The following MYO9A variants were observed in gnomAD, a reference collection of about 807,000 sequenced individuals.
MYO9A encodes the protein myosin IXA, also known as unconventional myosin-IXa.
In MYO9A, 103 loss-of-function variants were observed where a neutral mutation model predicts 293.3. The ratio of observed to expected loss-of-function variants is 0.35; its 90% CI spans 0.30 to 0.41. MYO9A has a LOEUF of 0.41. Ranked by LOEUF, MYO9A falls within the 10% of genes least tolerant of loss-of-function variation. The probability of loss-of-function intolerance (pLI) is 1.00; values close to 1 mark genes in which losing one functional copy is unlikely to be tolerated. For synonymous variants in MYO9A, 1,001 were observed against 1,035.7 expected (o/e 0.97, Z 0.64); for missense variants, 2,685 against 3,033.0 (o/e 0.89, Z 2.69).
intron 8 of MYO9A, among the ~76,000 whole-genome samples, chr15:72,003,291 A>T (rs1372530340): frequency 6.6e-6 from 1 of 151,756 alleles, no homozygotes; most frequent in Non-Finnish European, 1.5e-5. Context: ...AAAGTAAAAA[A>T]AAAATAAAAG....
intron 1 of MYO9A, among the ~76,000 whole-genome samples, chr15:72,114,856 A>C (rs956328703): frequency 2.6e-5 from 4 of 152,222 alleles, no homozygotes; most frequent in Admixed American, 2.6e-4. Context: ...ACATAACCAA[A>C]AATCACTCCA....
chr15:71,967,924 T>C, intron 13 of MYO9A, 60 bp downstream of exon 13: 2 of 1,483,500 alleles, frequency 1.3e-6, no homozygotes, highest in Non-Finnish European at 1.8e-6. Context: ...GGCAGTGTGC[T>C]GGGGACAGTT....
chr15:71,977,423 G>C (rs1480089741), intron 12 of MYO9A, among the ~76,000 whole-genome samples: 1 of 152,028 alleles, frequency 6.6e-6, no homozygotes, highest in Non-Finnish European at 1.5e-5. Flanking sequence ...TTTCAGCACA[G>C]ACAAGATTTC....
intron 12 of MYO9A, among the ~76,000 whole-genome samples, chr15:71,968,432 C>T (rs1286218575): frequency 1.3e-5 from 2 of 152,144 alleles, no homozygotes; most frequent in African/African-American, 4.8e-5. Context: ...TTCTGAACTA[C>T]TATAAAACCC....
intron 1 of MYO9A, among the ~76,000 whole-genome samples, chr15:72,082,668 C>CTGTCTTATTATTT (rs1016538879): frequency 6.6e-6 from 1 of 151,804 alleles, no homozygotes; most frequent in African/African-American, 2.4e-5. Flanking sequence ...ATGATGTTGG[C>CTGTCTTATTATTT]TGTGGGTCTG....
chr15:71,958,942 A>G (rs999735409), intron 14 of MYO9A: 1 of 152,256 alleles, frequency 6.6e-6, no homozygotes, highest in Admixed American at 6.5e-5. Flanking sequence ...TAAATACAAG[A>G]AAAGTTTCTT....
At chr15:71,992,785 G>C (rs901470010) in intron 10 of MYO9A, among the ~76,000 whole-genome samples, 1 of 151,232 alleles carries the variant, frequency 6.6e-6, no homozygotes, top group African/African-American at 2.4e-5. Context: ...GTTAGAAAAA[G>C]TCTAAACATA....
intron 39 of MYO9A, among the ~76,000 whole-genome samples, chr15:71,841,747 C>T (rs1054042893): frequency 6.6e-6 from 1 of 151,528 alleles, no homozygotes; most frequent in Admixed American, 6.6e-5. Flanking sequence ...GTGATTTTCT[C>T]ATCTCAGCCT....
chr15:71,949,524 G>C (rs549103094), intron 15 of MYO9A, among the ~76,000 whole-genome samples: 2 of 151,730 alleles, frequency 1.3e-5, no homozygotes, highest in South Asian at 4.2e-4. Context: ...AATTAAGGCA[G>C]AAAGACTTCA....
intron 1 of MYO9A, among the ~76,000 whole-genome samples, chr15:72,059,865 T>C (rs1436962146): frequency 2.0e-5 from 3 of 152,194 alleles, no homozygotes; most frequent in Non-Finnish European, 2.9e-5. Flanking sequence ...ATTTTAAAAA[T>C]TGGATAGTAT....
At chr15:72,054,501 C>T (rs1364835543) in intron 1 of MYO9A, among the ~76,000 whole-genome samples, 2 of 151,750 alleles carry the variant, frequency 1.3e-5, no homozygotes, top group Non-Finnish European at 2.9e-5. Context: ...TGAAACCCCA[C>T]CTCTACTAAA....
chr15:71,879,763 T>C lies in MYO9A; in HGVS notation c.5697A>G (p.Glu1899=), dbSNP rs1266879098. The part of the protein sequence containing the change: ...VDVVFKKALK[E]FRQNIFSFYS... ...AAAAGCTGAAGATATTCTGCCGAAATTCCTTCAGGGCTTTTTTAAATACAA... is the reference window on the plus strand; with the variant it reads ...AAAAGCTGAAGATATTCTGCCGAAACTCCTTCAGGGCTTTTTTAAATACAA... Residue 1899 remains glutamate (E), a synonymous_variant, in exon 30 of 42, where the codon GAA becomes GAG. Coordinates refer to ENST00000356056, the MANE Select transcript of MYO9A (RefSeq NM_006901.4). 1.9e-6 allele frequency: 3 copies of C among 1,613,618 alleles called. No homozygotes were observed. Among genetic ancestry groups the C allele is most frequent in the South Asian group, 1.1e-5 (1 of 91,082 alleles).
chr15:71,895,655 G>C (rs1020372672), intron 25 of MYO9A, among the ~76,000 whole-genome samples: 2 of 151,786 alleles, frequency 1.3e-5, no homozygotes, highest in Non-Finnish European at 1.5e-5. Context: ...TTATACAACA[G>C]GATGAGATTT....
intron 13 of MYO9A, among the ~76,000 whole-genome samples, chr15:71,967,096 T>G (rs2075897122): frequency 6.6e-6 from 1 of 152,224 alleles, no homozygotes; most frequent in Non-Finnish European, 1.5e-5. Context: ...AATTTAAGTT[T>G]CTTAGAGAAG....
Position 71,901,202 on chromosome 15 carries a change from C to G in MYO9A, c.3139G>C (p.Val1047Leu), listed in dbSNP as rs567949616. 6 of 1,611,862 alleles carry G rather than the reference C, an allele frequency of 3.7e-6. No individual in the cohort carries two copies. Among genetic ancestry groups the G allele is most frequent in the Middle Eastern group, 1.7e-4 (1 of 6,052 alleles). The change falls in exon 23 of 42, where the codon GTT becomes CTT. Residue 1047 changes from valine (V) to leucine (L), a missense_variant. Physicochemically the swap from Val to Leu is conservative, Grantham distance 32 (BLOSUM62 1). This residue lies in a region of MYO9A where 1,434 missense variants were observed against 1,497.7 expected (regional missense o/e 0.96). Coordinates refer to ENST00000356056, the MANE Select transcript of MYO9A (RefSeq NM_006901.4). ...CCTTTGCTTCTCACCTGGATAATAA[C>G]AGATGCTTGTCTCAGATGGAGGAAA... ...QHFLHLRQAS[V>L]IIQRFWRNYL...
intron 12 of MYO9A, among the ~76,000 whole-genome samples, chr15:71,975,429 A>T (rs1013381189): frequency 1.1e-3 from 25 of 21,890 alleles, no homozygotes; most frequent in Admixed American, 2.0e-3. Context: ...GTGTGTGTGT[A>T]GGTTTTCGTC....
Position 71,899,874 on chromosome 15 carries a change from A to C in MYO9A, c.3283T>G (p.Leu1095Val). The change falls in exon 24 of 42, where the codon TTG becomes GTG. Residue 1095 changes from leucine to valine, a missense_variant. Coordinates refer to ENST00000356056, the MANE Select transcript of MYO9A (RefSeq NM_006901.4). The stretch of plus-strand genomic sequence containing the variant: ...ACGATGGCTGCAGCCCGTAACTCCA[A>C]GTACCGCTGCCTCTCTAAGTGAGCA... Reference protein sequence around the residue: ...WRAHLERQRYLELRAAAIVIQ... With the variant: ...WRAHLERQRYVELRAAAIVIQ... 1.2e-6 allele frequency: 2 copies of C among 1,614,140 alleles called. No individual in the cohort carries two copies. Among genetic ancestry groups the C allele is most frequent in the Non-Finnish European group, 1.7e-6 (2 of 1,180,038 alleles).
chr15:71,978,314 A>G lies in MYO9A; in HGVS notation c.1723-22T>C, dbSNP rs1342124215. The G allele has an allele frequency of 7.0e-6, 11 of 1,580,434 alleles. No homozygotes were observed. In the Admixed American group the frequency reaches 1.8e-4, roughly 26 times the overall value. On this transcript the variant is annotated intron_variant, in intron 11 of 41. Transcript: ENST00000356056. ...CCTCCTAGAAAAACCAAAAAATAAA[A>G]TAACAATTTATTCATCTTGCAGAAA...
At chr15:72,076,121 T>C (rs926777914) in intron 1 of MYO9A, among the ~76,000 whole-genome samples, 4 of 152,086 alleles carry the variant, frequency 2.6e-5, no homozygotes, top group African/African-American at 9.7e-5. Context: ...CTGGCCAACA[T>C]GGCAAAACCC....
Sources: allele counts gnomAD v4.1 joint callset (sites outside exome capture counted in the v4.1 genomes callset), GRCh38; gene constraint gnomAD v4.1.1; regional missense constraint gnomAD v4.1.1; transcripts MANE v1.5; gene names NCBI Gene and HGNC (gene_info 2026-07-23, HGNC 2026-07-21).